The following NLGN1 variants were observed in gnomAD, a reference collection of about 807,000 sequenced individuals.
NLGN1 encodes neuroligin-1.
In NLGN1, 12 loss-of-function variants were observed where a neutral mutation model predicts 65.5. The ratio of observed to expected loss-of-function variants is 0.18; its 90% CI spans 0.12 to 0.30. NLGN1 has a LOEUF of 0.30. Among genes scored for constraint, NLGN1 ranks in the 10% least tolerant of loss-of-function variants. NLGN1 has a pLI of 1.00. For missense variants in NLGN1, 750 were observed against 1,007.1 expected (o/e 0.74, Z 3.46); for synonymous variants, 350 against 359.5 (o/e 0.97, Z 0.30).
intron 3 of NLGN1, among the ~76,000 whole-genome samples, chr3:173,647,199 C>A (rs1317420459): frequency 6.6e-6 from 1 of 152,022 alleles, no homozygotes; most frequent in Non-Finnish European, 1.5e-5. Flanking sequence ...TAAATCAAAA[C>A]CTGATCAAAC....
intron 2 of NLGN1, among the ~76,000 whole-genome samples, chr3:173,590,597 T>TTGAA (rs1020988648): frequency 2.0e-5 from 3 of 152,126 alleles, no homozygotes; most frequent in South Asian, 4.1e-4. Flanking sequence ...TAAACGTTTA[T>TTGAA]TGAATGAATG....
chr3:173,595,012 G>A (rs928737014), intron 2 of NLGN1, among the ~76,000 whole-genome samples: 2 of 152,178 alleles, frequency 1.3e-5, no homozygotes, highest in African/African-American at 4.8e-5. Context: ...AGGCCTCCAA[G>A]CCTGTGATGG....
chr3:173,449,014 C>T (rs1479282077), intron 2 of NLGN1, among the ~76,000 whole-genome samples: 1 of 152,112 alleles, frequency 6.6e-6, no homozygotes, highest in Non-Finnish European at 1.5e-5. Flanking sequence ...AAAAAACCGG[C>T]TCCTGGATTC....
rs548640512 is a variant in NLGN1, at chr3:173,489,283, G to T, written c.-321+54205G>T. Among the ~76,000 whole-genome samples, 22 of 150,978 alleles carry T rather than the reference G, an allele frequency of 1.5e-4. No homozygotes were observed. In the East Asian group the frequency reaches 4.1e-3, roughly 28 times the overall value. On this transcript the variant is annotated intron_variant, in intron 2 of 6. Coordinates refer to ENST00000457714, the Ensembl canonical transcript of NLGN1. ...CAGTGTGTGATGTCCCCCTTCCTGT[G>T]TCCAAGTGTTCTCATTGTTCAATTC... is the stretch of plus-strand genomic sequence containing the variant.
At chr3:173,791,007 G>A (rs1376494951) in intron 3 of NLGN1, among the ~76,000 whole-genome samples, 3 of 152,108 alleles carry the variant, frequency 2.0e-5, no homozygotes, top group Non-Finnish European at 4.4e-5. Context: ...ATACCTTTTA[G>A]AGTCTTACAC....
chr3:174,261,692 A>C (rs1746944290), intron 4 of NLGN1, among the ~76,000 whole-genome samples: 1 of 138,866 alleles, frequency 7.2e-6, no homozygotes. Flanking sequence ...TCTCCTGCCT[A>C]ATTGCCCTGG....
At chr3:174,026,569 A>G (rs1728874247) in intron 4 of NLGN1, among the ~76,000 whole-genome samples, 1 of 152,228 alleles carries the variant, frequency 6.6e-6, no homozygotes, top group Non-Finnish European at 1.5e-5. Flanking sequence ...TGAACACACA[A>G]CATTACTATA....
At chr3:173,740,617 A>G (rs1774491665) in intron 3 of NLGN1, among the ~76,000 whole-genome samples, 1 of 152,092 alleles carries the variant, frequency 6.6e-6, no homozygotes, top group African/African-American at 2.4e-5. Flanking sequence ...TGAAGAAAGG[A>G]GTAAAAAAAA....
intron 3 of NLGN1, among the ~76,000 whole-genome samples, chr3:173,623,896 A>G (rs1233004999): frequency 6.6e-6 from 1 of 152,162 alleles, no homozygotes; most frequent in African/African-American, 2.4e-5. Flanking sequence ...AAATATTTAA[A>G]TTATCTTGCC....
chr3:173,884,684 A>G (rs1163243639), intron 4 of NLGN1, among the ~76,000 whole-genome samples: 2 of 152,174 alleles, frequency 1.3e-5, no homozygotes, highest in East Asian at 3.9e-4. Context: ...TTTTTATCTC[A>G]TGAATTAAAA....
chr3:173,765,982 A>G (rs1313610890), intron 3 of NLGN1, among the ~76,000 whole-genome samples: 1 of 152,000 alleles, frequency 6.6e-6, no homozygotes, highest in Admixed American at 6.6e-5. Flanking sequence ...GTAAAACTTG[A>G]TGGAGGAGAA....
chr3:173,672,782 T>A (rs188439530), intron 3 of NLGN1, among the ~76,000 whole-genome samples: 3 of 152,320 alleles, frequency 2.0e-5, no homozygotes, highest in Non-Finnish European at 4.4e-5. Context: ...GAAGTACCTA[T>A]AACAATGTAA....
intron 4 of NLGN1, among the ~76,000 whole-genome samples, chr3:173,872,036 G>C (rs376766211): frequency 1.3e-5 from 2 of 152,076 alleles, no homozygotes; most frequent in East Asian, 1.9e-4. Context: ...CCACCGTGAG[G>C]GGGGGAGTCA....
chr3:173,650,207 A>G (rs946489587), intron 3 of NLGN1, among the ~76,000 whole-genome samples: 1 of 152,088 alleles, frequency 6.6e-6, no homozygotes, highest in Non-Finnish European at 1.5e-5. Context: ...ATCTTCAGCT[A>G]CATACTTCCT....
intron 2 of NLGN1, among the ~76,000 whole-genome samples, chr3:173,574,925 C>A (rs1239882061): frequency 6.6e-6 from 1 of 152,216 alleles, no homozygotes; most frequent in Non-Finnish European, 1.5e-5. Flanking sequence ...CACTCTGTCA[C>A]CTAGGCTAGA....
chr3:173,483,498 T>C (rs910540488), intron 2 of NLGN1, among the ~76,000 whole-genome samples: 1 of 152,086 alleles, frequency 6.6e-6, no homozygotes, highest in African/African-American at 2.4e-5. Context: ...AGGATAACAG[T>C]TTATCATTCA....
At chr3:174,213,247 C>A (rs1737024719) in intron 4 of NLGN1, among the ~76,000 whole-genome samples, 1 of 152,058 alleles carries the variant, frequency 6.6e-6, no homozygotes, top group Admixed American at 6.6e-5. Context: ...GAGTTGTGGG[C>A]AATTTTGGGT....
At chr3:174,163,345 A>G (rs1371880135) in intron 4 of NLGN1, among the ~76,000 whole-genome samples, 2 of 152,038 alleles carry the variant, frequency 1.3e-5, no homozygotes, top group Non-Finnish European at 2.9e-5. Flanking sequence ...GTAAATTTCC[A>G]TGTTAACTGG....
At chr3:174,099,389 T>C (rs2152572469) in intron 4 of NLGN1, among the ~76,000 whole-genome samples, 1 of 152,312 alleles carries the variant, frequency 6.6e-6, no homozygotes, top group South Asian at 2.1e-4. Flanking sequence ...TAAGGCTGTT[T>C]ATGATCTCCA....
Sources: gnomAD v4.1 joint callset for allele counts (sites outside exome capture counted in the v4.1 genomes callset) on GRCh38, gnomAD v4.1.1 for gene constraint, MANE v1.5 for transcripts, NCBI Gene and HGNC (gene_info 2026-07-23, HGNC 2026-07-21) for gene names.